HDAC8: variants seen among roughly 807,000 people sequenced by gnomAD.
HDAC8 encodes the protein histone deacetylase-like 1.
Under a neutral mutation model 32.2 loss-of-function variants are expected in HDAC8, and 1 was observed. The ratio of observed to expected loss-of-function variants is 0.03; its 90% CI spans 0.01 to 0.15. The LOEUF is 0.15. Among genes scored for constraint, HDAC8 ranks in the 10% least tolerant of loss-of-function variants. HDAC8 has a pLI of 1.00. For synonymous variants in HDAC8, 108 were observed against 113.9 expected (o/e 0.95, Z 0.33); for missense variants, 117 against 300.0 (o/e 0.39, Z 4.51).
chrX:72,514,983 C>G (rs2049740063), intron 4 of HDAC8, among the ~76,000 whole-genome samples: 2 of 111,533 alleles, frequency 1.8e-5, no homozygotes, highest in Non-Finnish European at 3.8e-5. Context: ...AATACATATA[C>G]ACTGTGAAAT....
At chrX:72,478,137 G>A (rs1439891398) in intron 7 of HDAC8, among the ~76,000 whole-genome samples, 8 of 112,227 alleles carry the variant, frequency 7.1e-5, no homozygotes, top group Admixed American at 3.8e-4. Flanking sequence ...AGGACTGCAC[G>A]GGGGAATGTT....
At chrX:72,386,300 C>A (rs1015268011) in intron 9 of HDAC8, among the ~76,000 whole-genome samples, 1 of 111,540 alleles carries the variant, frequency 9.0e-6, no homozygotes, top group Non-Finnish European at 1.9e-5. Context: ...AAAATCATTT[C>A]CCCCAAATTC....
chrX:72,566,629 T>G (rs1603240782), intron 4 of HDAC8, among the ~76,000 whole-genome samples: 3 of 112,302 alleles, frequency 2.7e-5, no homozygotes, highest in African/African-American at 9.7e-5. Flanking sequence ...AAGGTCACGG[T>G]TGATTGCATG....
chrX:72,550,046 C>T (rs2051012263), intron 4 of HDAC8, among the ~76,000 whole-genome samples: 1 of 111,890 alleles, frequency 8.9e-6, no homozygotes, highest in East Asian at 2.8e-4. Flanking sequence ...CATACATGGG[C>T]TTCAGGAAAT....
chrX:72,446,041 G>A (rs1297248727), intron 9 of HDAC8, among the ~76,000 whole-genome samples: 1 of 112,108 alleles, frequency 8.9e-6, no homozygotes, highest in African/African-American at 3.2e-5. Flanking sequence ...AACAACAGGT[G>A]CTGGAGAGGA....
Position 72,552,991 on chromosome X carries a change from A to G in HDAC8, c.437+14898T>C, listed in dbSNP as rs184725250. On this transcript the variant is annotated intron_variant, in intron 4 of 10. Transcript: ENST00000373573. Reference sequence around the variant, plus strand: ...CAACTGCCCTTTAAAAACAAAATCAACATTATAAGATAAGCATTTTTTCTA... The same window carrying G: ...CAACTGCCCTTTAAAAACAAAATCAGCATTATAAGATAAGCATTTTTTCTA... Among the ~76,000 whole-genome samples, 238 of 110,743 alleles carry G rather than the reference A, an allele frequency of 2.1e-3. 2 individuals are homozygous for G. The East Asian group carries it at 0.029, about 14-fold the overall frequency.
intron 9 of HDAC8, among the ~76,000 whole-genome samples, chrX:72,450,191 T>G (rs1385534859): frequency 1.8e-5 from 2 of 111,917 alleles, no homozygotes; most frequent in Non-Finnish European, 3.8e-5. Context: ...TATCACATTG[T>G]CTAAATGAAA....
At chrX:72,381,119 G>A (rs2045256620) in intron 9 of HDAC8, among the ~76,000 whole-genome samples, 1 of 111,962 alleles carries the variant, frequency 8.9e-6, no homozygotes, top group South Asian at 3.7e-4. Flanking sequence ...GCTTCAGCCT[G>A]GAGGAACTGA....
intron 9 of HDAC8, among the ~76,000 whole-genome samples, chrX:72,368,824 T>G (rs1286673790): frequency 3.5e-5 from 4 of 112,682 alleles, no homozygotes; most frequent in Non-Finnish European, 7.5e-5. Flanking sequence ...CAAGGCTGGC[T>G]GAATAAATGA....
At chrX:72,489,570 T>A (rs1416396417) in intron 6 of HDAC8, among the ~76,000 whole-genome samples, 1 of 110,369 alleles carries the variant, frequency 9.1e-6, no homozygotes, top group Non-Finnish European at 1.9e-5. Flanking sequence ...TGAAACTGGA[T>A]CCCTTCCTTA....
rs1555988386 is a variant in HDAC8, at chrX:72,453,460, A to AAAAG, written c.1005+8543_1005+8544insCTTT. On this transcript the variant is annotated intron_variant, in intron 9 of 10. Coordinates refer to ENST00000373573, the MANE Select transcript of HDAC8 (RefSeq NM_018486.3). ...TGACGGAGTAAGACTCTGTCTCTTA[A>AAAAG]AAATAAAGAAAGAAAGAAAGAAAGA... Among the ~76,000 whole-genome samples the AAAAG allele has an allele frequency of 2.6e-3, 115 of 43,483 alleles. 1 individual carries two copies. The highest frequency in any genetic ancestry group is 9.6e-3 in the Middle Eastern group (1 of 104). 37.8% of individuals were successfully genotyped at this position (43,483 alleles called of 115,157 possible).
At chrX:72,402,429 TA>T (rs58349922) in intron 9 of HDAC8, among the ~76,000 whole-genome samples, 21,928 of 102,722 alleles carry the variant, frequency 0.21, 5,031 homozygotes, top group East Asian at 0.7. Flanking sequence ...TTTTTTTTTT[TA>T]AGTTTCTTAA....
chrX:72,437,419 G>T (rs1012960041), intron 9 of HDAC8, among the ~76,000 whole-genome samples: 3 of 111,582 alleles, frequency 2.7e-5, no homozygotes, highest in Non-Finnish European at 5.7e-5. Context: ...CTGCCGTTTG[G>T]GCAGACACTG....
chrX:72,486,746 G>C (rs1247941864), intron 7 of HDAC8, among the ~76,000 whole-genome samples: 1 of 111,590 alleles, frequency 9.0e-6, no homozygotes, highest in Non-Finnish European at 1.9e-5. Context: ...ATGAGAGGTT[G>C]TGCCAAAATT....
intron 9 of HDAC8, among the ~76,000 whole-genome samples, chrX:72,393,712 C>T (rs1266416718): frequency 1.8e-5 from 2 of 111,394 alleles, no homozygotes; most frequent in Non-Finnish European, 3.8e-5. Flanking sequence ...TAACACCCCC[C>T]ACTCCCCGAT....
At chrX:72,465,224 T>C (rs1569318458) in intron 7 of HDAC8, among the ~76,000 whole-genome samples, 1 of 111,787 alleles carries the variant, frequency 8.9e-6, no homozygotes, top group Non-Finnish European at 1.9e-5. Flanking sequence ...ATCAGGTAAG[T>C]TTTTATTATG....
At chrX:72,554,499 A>AGCGGGTAGGGCGGGGGGAGCGGGTAGG (rs1556085881) in intron 4 of HDAC8, among the ~76,000 whole-genome samples, 1 of 14,920 alleles carries the variant, frequency 6.7e-5, no homozygotes, top group African/African-American at 8.2e-5. Flanking sequence ...GGGCGGGGGG[A>AGCGGGTAGGGCGGGGGGAGCGGGTAGG]GCGGGGAGGG....
At chrX:72,388,680 G>T (rs568924789) in intron 9 of HDAC8, among the ~76,000 whole-genome samples, 1 of 108,764 alleles carries the variant, frequency 9.2e-6, no homozygotes, top group Non-Finnish European at 1.9e-5. Context: ...CAATTCACAC[G>T]TTGAAGCCCT....
intron 9 of HDAC8, among the ~76,000 whole-genome samples, chrX:72,379,383 G>A (rs1211438025): frequency 9.3e-6 from 1 of 106,999 alleles, no homozygotes; most frequent in Non-Finnish European, 1.9e-5. Flanking sequence ...TACAACTTTT[G>A]TTAAAAATTG....
Sources: gnomAD v4.1 joint callset for allele counts (sites outside exome capture counted in the v4.1 genomes callset) on GRCh38, gnomAD v4.1.1 for gene constraint, MANE v1.5 for transcripts, NCBI Gene and HGNC (gene_info 2026-07-23, HGNC 2026-07-21) for gene names.